The following CNTN5 variants were observed in gnomAD, a reference collection of about 807,000 sequenced individuals.
The protein encoded by CNTN5 is contactin 5, also known as contactin-5.
In CNTN5, 77 loss-of-function variants were observed where a neutral mutation model predicts 129.1. The observed-to-expected ratio is 0.60, with a 90% CI of 0.50 to 0.72. CNTN5 has a LOEUF of 0.72. CNTN5 is among the 30% of genes least tolerant of loss of function. The pLI is 0.00. For missense variants in CNTN5, 1,478 were observed against 1,328.8 expected (o/e 1.11, Z -1.75); for synonymous variants, 509 against 465.6 (o/e 1.09, Z -1.20).
At chr11:99,218,603 G>T (rs979336775) in intron 1 of CNTN5, among the ~76,000 whole-genome samples, 2 of 151,754 alleles carry the variant, frequency 1.3e-5, no homozygotes, top group African/African-American at 2.4e-5. Context: ...TGCAATCAGG[G>T]GTATATCCAA....
chr11:99,368,195 A>T (rs946162785), intron 2 of CNTN5, among the ~76,000 whole-genome samples: 3 of 150,420 alleles, frequency 2.0e-5, no homozygotes, highest in African/African-American at 7.3e-5. Flanking sequence ...CTATTACCAT[A>T]TTCCCCTTTA....
intron 3 of CNTN5, among the ~76,000 whole-genome samples, chr11:99,572,449 G>C (rs530858440): frequency 4.6e-5 from 7 of 152,116 alleles, no homozygotes; most frequent in Non-Finnish European, 1.0e-4. Context: ...AATAGCAAAG[G>C]GTAGAATTAG....
intron 2 of CNTN5, among the ~76,000 whole-genome samples, chr11:99,380,353 G>T (rs1425384965): frequency 1.3e-5 from 2 of 152,116 alleles, no homozygotes; most frequent in Non-Finnish European, 2.9e-5. Context: ...TATTCTCAAA[G>T]AAGTGAGCAA....
intron 1 of CNTN5, among the ~76,000 whole-genome samples, chr11:99,275,578 A>T (rs1863390090): frequency 6.6e-6 from 1 of 151,658 alleles, no homozygotes. Context: ...ATGACTTCAC[A>T]GGTCAGCGGG....
At chr11:99,771,622 A>G (rs1944949614) in intron 3 of CNTN5, among the ~76,000 whole-genome samples, 1 of 152,006 alleles carries the variant, frequency 6.6e-6, no homozygotes, top group African/African-American at 2.4e-5. Flanking sequence ...AGAGAATAGA[A>G]TGGTGGTTAC....
intron 1 of CNTN5, among the ~76,000 whole-genome samples, chr11:99,058,667 C>A (rs940960809): frequency 6.6e-6 from 1 of 151,918 alleles, no homozygotes; most frequent in African/African-American, 2.4e-5. Flanking sequence ...CCTCACCAGT[C>A]TGCTGTGTGT....
At chr11:100,059,805 A>T (rs980176286) in intron 9 of CNTN5, among the ~76,000 whole-genome samples, 2 of 152,212 alleles carry the variant, frequency 1.3e-5, no homozygotes, top group African/African-American at 4.8e-5. Context: ...GAAAATGTGC[A>T]TGTCCTTTGA....
chr11:99,614,196 C>T (rs1310823614), intron 3 of CNTN5, among the ~76,000 whole-genome samples: 1 of 152,176 alleles, frequency 6.6e-6, no homozygotes, highest in East Asian at 1.9e-4. Flanking sequence ...TATTACACTC[C>T]TATGTGCTTG....
intron 3 of CNTN5, among the ~76,000 whole-genome samples, chr11:99,729,912 C>T (rs1305728199): frequency 3.3e-5 from 5 of 152,056 alleles, no homozygotes; most frequent in African/African-American, 4.8e-5. Flanking sequence ...GGTGGTGGTA[C>T]AGAGAGGGAG....
intron 15 of CNTN5, among the ~76,000 whole-genome samples, chr11:100,223,401 G>A (rs887370565): frequency 2.0e-5 from 3 of 152,044 alleles, no homozygotes; most frequent in African/African-American, 7.2e-5. Flanking sequence ...TTTATGATTT[G>A]AGTGATAAAA....
intron 1 of CNTN5, among the ~76,000 whole-genome samples, chr11:99,059,092 T>G (rs1440578554): frequency 7.6e-6 from 1 of 131,682 alleles, no homozygotes; most frequent in Non-Finnish European, 1.6e-5. Context: ...CCCACCTCTC[T>G]CCCTCCTTTC....
intron 2 of CNTN5, among the ~76,000 whole-genome samples, chr11:99,390,444 G>C (rs1941201693): frequency 6.6e-6 from 1 of 152,086 alleles, no homozygotes; most frequent in Admixed American, 6.6e-5. Flanking sequence ...AAAAAAGAAA[G>C]ATTTTAAAAC....
chr11:99,089,554 C>G (rs1413959144), intron 1 of CNTN5, among the ~76,000 whole-genome samples: 1 of 152,094 alleles, frequency 6.6e-6, no homozygotes, highest in Non-Finnish European at 1.5e-5. Context: ...ACCAGGGATC[C>G]AGATTTTGTG....
chr11:99,408,380 A>AAG (rs1555137695), intron 2 of CNTN5, among the ~76,000 whole-genome samples: 1 of 134,010 alleles, frequency 7.5e-6, no homozygotes, highest in Non-Finnish European at 1.6e-5. Context: ...AAAAAAAAAA[A>AAG]AAAGAAAGAA....
intron 17 of CNTN5, 59 bp downstream of exon 17, chr11:100,255,977 A>G (rs1950060426): frequency 1.4e-6 from 2 of 1,475,422 alleles, no homozygotes; most frequent in Admixed American, 1.8e-5. Flanking sequence ...CTCATAAGCT[A>G]TATTTGGCTA....
chr11:99,477,544 A>T (rs117247359), intron 2 of CNTN5, among the ~76,000 whole-genome samples: 2,254 of 152,182 alleles, frequency 0.015, 99 homozygotes, highest in Admixed American at 0.091. Context: ...CAGAAATGGT[A>T]TATGCGTTTA....
At chr11:99,267,296 G>GT (rs1050997652) in intron 1 of CNTN5, among the ~76,000 whole-genome samples, 2 of 152,020 alleles carry the variant, frequency 1.3e-5, no homozygotes, top group Non-Finnish European at 2.9e-5. Flanking sequence ...GAGTTTGTTA[G>GT]TTTTTTTAAG....
chr11:99,508,744 C>A (rs58687771), intron 2 of CNTN5, among the ~76,000 whole-genome samples: 3,290 of 150,938 alleles, frequency 0.022, 136 homozygotes, highest in African/African-American at 0.074. Context: ...CGGTGTGGCG[C>A]GATCTCGGCT....
intron 7 of CNTN5, among the ~76,000 whole-genome samples, chr11:99,945,482 C>T (rs958096316): frequency 3.3e-4 from 25 of 76,368 alleles, no homozygotes; most frequent in African/African-American, 1.1e-3. Context: ...AAAATAAAAC[C>T]TCTGTGCGTG....
Sources: gnomAD v4.1 joint callset for allele counts (sites outside exome capture counted in the v4.1 genomes callset) on GRCh38, gnomAD v4.1.1 for gene constraint, MANE v1.5 for transcripts, NCBI Gene and HGNC (gene_info 2026-07-23, HGNC 2026-07-21) for gene names.